The following EDF1 variants were observed in gnomAD, a reference collection of about 807,000 sequenced individuals.
EDF1 encodes the protein endothelial differentiation related factor 1.
A neutral mutation model predicts 20.8 loss-of-function variants in EDF1; 5 were observed. The observed-to-expected ratio is 0.24, with a 90% CI of 0.13 to 0.51. The LOEUF is 0.51. EDF1 is among the 20% of genes least tolerant of loss of function. EDF1 has a pLI of 0.97. For synonymous variants in EDF1, 96 were observed against 78.5 expected (o/e 1.22, Z -1.18); for missense variants, 137 against 197.8 (o/e 0.69, Z 1.84).
In EDF1 at chr9:136,863,807, C is replaced by T; in HGVS notation, c.130+13G>A. On this transcript the variant is annotated intron_variant, in intron 2 of 4. Coordinates refer to ENST00000224073, the MANE Select transcript of EDF1 (RefSeq NM_003792.4). This position sits in a 1 kb window ranked among gnomAD's most constrained non-coding sequence, Gnocchi z 4.5. ...CACAGCCTCATGTTGCAAGCGGAAA[C>T]ACAAGTACCTACATTTCTTGGAAGT... 1 of 1,613,926 alleles carries T rather than the reference C, an allele frequency of 6.2e-7. No homozygotes were observed.
Position 136,862,321 on chromosome 9 carries a change from A to G in EDF1, c.410T>C (p.Ile137Thr). The change falls in exon 5 of 5, where the codon ATT (isoleucine) becomes ACT (threonine). Residue 137 changes from isoleucine (I) to threonine (T), a missense_variant. By Grantham distance (89) the Ile-to-Thr change is moderately conservative (BLOSUM62 -1). Coordinates refer to ENST00000224073, the MANE Select transcript of EDF1 (RefSeq NM_003792.4). This position sits in a 1 kb window ranked among gnomAD's most constrained non-coding sequence, Gnocchi z 4.1. ...AGGCCCCTTCTCGATGGGCTTTCCAATGTCCTTTCCCCGGAGCTTGAGGCC... is the reference window on the plus strand; with the variant it reads ...AGGCCCCTTCTCGATGGGCTTTCCAGTGTCCTTTCCCCGGAGCTTGAGGCC... ...AIGLKLRGKD[I>T]GKPIEKGPRA... 1 of 1,613,876 alleles carries G rather than the reference A, an allele frequency of 6.2e-7. No homozygotes were observed. Among genetic ancestry groups the G allele is most frequent in the Non-Finnish European group, 8.5e-7 (1 of 1,179,954 alleles).
Position 136,862,184 on chromosome 9 carries a change from C to G in EDF1, c.*100G>C. On this transcript the variant is annotated 3_prime_UTR_variant, in exon 5 of 5. Coordinates refer to ENST00000224073, the MANE Select transcript of EDF1 (RefSeq NM_003792.4). This position sits in a 1 kb window ranked among gnomAD's most constrained non-coding sequence, Gnocchi z 4.1. ...TGGGGAGGGTCCCCCGCAAGCTGGACCCCTTGTTCCGTTCGGCCCGTGAGG... is the reference window on the plus strand; with the variant it reads ...TGGGGAGGGTCCCCCGCAAGCTGGAGCCCTTGTTCCGTTCGGCCCGTGAGG... The G allele has an allele frequency of 6.7e-7, 1 of 1,491,378 alleles. No homozygotes were observed. 92.4% of individuals were successfully genotyped at this position (1,491,378 alleles called of 1,614,324 possible). A position where few individuals can be genotyped will look rare whatever the true frequency, so the allele number is the denominator to read the frequency against.
chr9:136,862,432 G>T lies in EDF1; in HGVS notation c.386-87C>A, dbSNP rs1588398162. 6.2e-7 allele frequency: 1 copy of T among 1,613,370 alleles called. No individual in the cohort carries two copies. The highest frequency in any genetic ancestry group is 8.5e-7 in the Non-Finnish European group (1 of 1,179,928). On this transcript the variant is annotated intron_variant, in intron 4 of 4. Coordinates refer to ENST00000224073, the MANE Select transcript of EDF1 (RefSeq NM_003792.4). This position sits in a 1 kb window ranked among gnomAD's most constrained non-coding sequence, Gnocchi z 4.1. The stretch of plus-strand genomic sequence containing the variant: ...CCCTCTTCAACATCTTCCCAGGGAA[G>T]GGGGGCCACGCCGCTCCCGTGCCTC...
chr9:136,865,031 GT>G (rs1413653139), intron 1 of EDF1, among the ~76,000 whole-genome samples: 1 of 152,192 alleles, frequency 6.6e-6, no homozygotes, highest in Non-Finnish European at 1.5e-5. Context: ...TGGCCATTAA[GT>G]TTCCTTTAAA....
Position 136,863,648 on chromosome 9 carries a change from T to A in EDF1, c.130+172A>T, listed in dbSNP as rs1564392567. ...TTATGAGGACAGGCAGCTGTACTCA[T>A]GCCAACCAGAGCTGCTCTGGGAAGA... On this transcript the variant is annotated intron_variant, in intron 2 of 4. Coordinates refer to ENST00000224073, the MANE Select transcript of EDF1 (RefSeq NM_003792.4). The surrounding 1 kb of genome is among the most constrained non-coding windows in gnomAD (Gnocchi z 4.5). Among the ~76,000 whole-genome samples, 1 of 152,110 alleles carries A rather than the reference T, an allele frequency of 6.6e-6. No individual in the cohort carries two copies. The highest frequency in any genetic ancestry group is 2.4e-5 in the African/African-American group (1 of 41,406).
At chr9:136,866,087 G>C (rs1849219851) in intron 1 of EDF1, 94 bp downstream of exon 1, 5 of 1,022,874 alleles carry the variant, frequency 4.9e-6, no homozygotes, top group East Asian at 7.1e-5. Flanking sequence ...CCCAGGCCCC[G>C]CCTGCCCTTC....
rs771534389 is a variant in EDF1, at chr9:136,866,284, G to A, written c.-26C>T. On this transcript the variant is annotated 5_prime_UTR_variant, in exon 1 of 5. Coordinates refer to ENST00000224073, the MANE Select transcript of EDF1 (RefSeq NM_003792.4). ...GGCGGGCGAAGACGAGCGTCCGTCC[G>A]GCGGCTCAGCGGCAGCTGCTAGAGA... The A allele has an allele frequency of 1.6e-5, 25 of 1,592,176 alleles. No individual in the cohort carries two copies. Among genetic ancestry groups the A allele is most frequent in the African/African-American group, 1.2e-4 (9 of 72,358 alleles).
chr9:136,865,807 C>G (rs7037205), intron 1 of EDF1, among the ~76,000 whole-genome samples: 104,633 of 139,000 alleles, frequency 0.75, 39,806 homozygotes, highest in East Asian at 0.87. Context: ...CTGTCCCCAC[C>G]AACAGTCCCT....
chr9:136,866,264 G>A lies in EDF1; in HGVS notation c.-6C>T, dbSNP rs763815926. On this transcript the variant is annotated 5_prime_UTR_variant, in exon 1 of 5. Transcript: ENST00000224073. ...TCCCAGTCGCTCTCGGCCATGGCGG[G>A]CGAAGACGAGCGTCCGTCCGGCGGC... is the stretch of plus-strand genomic sequence containing the variant. 9 of 1,594,526 alleles carry A rather than the reference G, an allele frequency of 5.6e-6. No individual in the cohort carries two copies. The highest frequency in any genetic ancestry group is 5.1e-5 in the Admixed American group (3 of 58,776).
rs749921156 is a variant in EDF1, at chr9:136,863,808, A to C, written c.130+12T>G. The C allele has an allele frequency of 6.5e-5, 105 of 1,613,690 alleles. No individual in the cohort carries two copies. The highest frequency in any genetic ancestry group is 8.6e-5 in the Non-Finnish European group (101 of 1,179,966). On this transcript the variant is annotated intron_variant, in intron 2 of 4. Transcript: ENST00000224073. This position sits in a 1 kb window ranked among gnomAD's most constrained non-coding sequence, Gnocchi z 4.5. The stretch of plus-strand genomic sequence containing the variant: ...ACAGCCTCATGTTGCAAGCGGAAAC[A>C]CAAGTACCTACATTTCTTGGAAGTC...
In EDF1 at chr9:136,863,034, C is replaced by G; in HGVS notation, c.292-35G>C. Reference sequence around the variant, plus strand: ...AGATGTGCTTTATACACATCAGCTCCACTAGGACTGCTGCAAAACCAGGCG... The same window carrying G: ...AGATGTGCTTTATACACATCAGCTCGACTAGGACTGCTGCAAAACCAGGCG... On this transcript the variant is annotated intron_variant, in intron 3 of 4. Transcript: ENST00000224073. The surrounding 1 kb of genome is among the most constrained non-coding windows in gnomAD (Gnocchi z 4.5). The G allele has an allele frequency of 6.2e-7, 1 of 1,611,154 alleles. No homozygotes were observed. The highest frequency in any genetic ancestry group is 8.5e-7 in the Non-Finnish European group (1 of 1,178,208).
In EDF1 at chr9:136,862,889, G is replaced by A. The variant is rs1270967971; in HGVS notation, c.385+17C>T. 2 of 1,613,014 alleles carry A rather than the reference G, an allele frequency of 1.2e-6. No homozygotes were observed. Among genetic ancestry groups the A allele is most frequent in the Non-Finnish European group, 1.7e-6 (2 of 1,180,008 alleles). The stretch of plus-strand genomic sequence containing the variant: ...TCCCTGTTCAGCGGACCCGGCGAAG[G>A]GTGGAGGGACACTCACCAATGGCCC... On this transcript the variant is annotated intron_variant, in intron 4 of 4. Coordinates refer to ENST00000224073, the MANE Select transcript of EDF1 (RefSeq NM_003792.4). The surrounding 1 kb of genome is among the most constrained non-coding windows in gnomAD (Gnocchi z 4.1).
chr9:136,863,171 C>T lies in EDF1; in HGVS notation c.291+117G>A. On this transcript the variant is annotated intron_variant, in intron 3 of 4. Coordinates refer to ENST00000224073, the MANE Select transcript of EDF1 (RefSeq NM_003792.4). This position sits in a 1 kb window ranked among gnomAD's most constrained non-coding sequence, Gnocchi z 4.5. ...GCCGGGCTGACCTGGCTTCCCGAGG[C>T]ATTCCCTGCAGGGGAACCAGGGGGG... 6.5e-7 allele frequency: 1 copy of T among 1,532,828 alleles called. No individual in the cohort carries two copies. The highest frequency in any genetic ancestry group is 8.8e-7 in the Non-Finnish European group (1 of 1,134,118). The allele number at this position is 1,532,828 out of a possible 1,614,324, so 95.0% of individuals were successfully genotyped here. A position where few individuals can be genotyped will look rare whatever the true frequency, so the allele number is the denominator to read the frequency against.
At position 136,863,361 on chromosome 9, in the gene EDF1, A is replaced by G. The variant is rs1424647194; in HGVS notation, c.218T>C (p.Val73Ala). ...GATCACCTTGCCCACCTCCAGGGTCACCCTGTCATGGTGCAGCTCCTCTGT... is the reference window on the plus strand; with the variant it reads ...GATCACCTTGCCCACCTCCAGGGTCGCCCTGTCATGGTGCAGCTCCTCTGT... ...RETEELHHDRVTLEVGKVIQQ... is the reference protein window; with the variant it reads ...RETEELHHDRATLEVGKVIQQ... The change falls in exon 3 of 5, where the codon GTG (valine) becomes GCG (alanine). Residue 73 changes from valine (V) to alanine (A), a missense_variant. Coordinates refer to ENST00000224073, the MANE Select transcript of EDF1 (RefSeq NM_003792.4). The surrounding 1 kb of genome is among the most constrained non-coding windows in gnomAD (Gnocchi z 4.5). 1 of 1,614,076 alleles carries G rather than the reference A, an allele frequency of 6.2e-7. No individual in the cohort carries two copies. The highest frequency in any genetic ancestry group is 8.5e-7 in the Non-Finnish European group (1 of 1,180,018).
Position 136,862,310 on chromosome 9 carries a change from T to C in EDF1, c.421A>G (p.Ile141Val). ...KLRGKDIGKP[I>V]EKGPRAK ...CATTTCGCCCTAGGCCCCTTCTCGATGGGCTTTCCAATGTCCTTTCCCCGG... is the reference window on the plus strand; with the variant it reads ...CATTTCGCCCTAGGCCCCTTCTCGACGGGCTTTCCAATGTCCTTTCCCCGG... The change falls in exon 5 of 5, where the codon ATC (isoleucine) becomes GTC (valine). Residue 141 changes from isoleucine to valine, a missense_variant. Transcript: ENST00000224073. The surrounding 1 kb of genome is among the most constrained non-coding windows in gnomAD (Gnocchi z 4.1). The C allele has an allele frequency of 1.2e-6, 2 of 1,614,036 alleles. No individual in the cohort carries two copies. Among genetic ancestry groups the C allele is most frequent in the Admixed American group, 1.7e-5 (1 of 60,006 alleles).
chr9:136,864,709 C>T (rs778394184), intron 1 of EDF1, among the ~76,000 whole-genome samples: 20 of 152,026 alleles, frequency 1.3e-4, no homozygotes, highest in Non-Finnish European at 2.4e-4. Context: ...CTGCAACCTT[C>T]GCCCTCCGAG....
chr9:136,863,336 G>A lies in EDF1; in HGVS notation c.243C>T (p.Ile81=), dbSNP rs1849148445. 6.2e-7 allele frequency: 1 copy of A among 1,614,024 alleles called. No individual in the cohort carries two copies. Among genetic ancestry groups the A allele is most frequent in the Non-Finnish European group, 8.5e-7 (1 of 1,180,010 alleles). The change falls in exon 3 of 5, where the codon ATC becomes ATT. Residue 81 remains isoleucine, a synonymous_variant. Transcript: ENST00000224073. This position sits in a 1 kb window ranked among gnomAD's most constrained non-coding sequence, Gnocchi z 4.5. The part of the protein sequence containing the change: ...DRVTLEVGKV[I]QQGRQSKGLT... ...GCCCCTTGCTCTGCCGACCTTGCTG[G>A]ATCACCTTGCCCACCTCCAGGGTCA...
rs1849156876 is a variant in EDF1, at chr9:136,863,707, G to A, written c.130+113C>T. The A allele has an allele frequency of 7.4e-7, 1 of 1,358,324 alleles. No homozygotes were observed. The highest frequency in any genetic ancestry group is 1.8e-4 in the Middle Eastern group (1 of 5,524). 84.1% of individuals were successfully genotyped at this position (1,358,324 alleles called of 1,614,324 possible). A position where few individuals can be genotyped will look rare whatever the true frequency, so the allele number is the denominator to read the frequency against. On this transcript the variant is annotated intron_variant, in intron 2 of 4. Coordinates refer to ENST00000224073, the MANE Select transcript of EDF1 (RefSeq NM_003792.4). The surrounding 1 kb of genome is among the most constrained non-coding windows in gnomAD (Gnocchi z 4.5). ...TCCCAGGGCTCCGGCCAGCACCGGTGCAGGCAGGCACTCAGCTGACAACGT... is the reference window on the plus strand; with the variant it reads ...TCCCAGGGCTCCGGCCAGCACCGGTACAGGCAGGCACTCAGCTGACAACGT...
In EDF1 at chr9:136,866,283, C is replaced by G. The variant is rs368142655; in HGVS notation, c.-25G>C. 2 of 1,592,332 alleles carry G rather than the reference C, an allele frequency of 1.3e-6. No homozygotes were observed. Among genetic ancestry groups the G allele is most frequent in the South Asian group, 2.3e-5 (2 of 88,624 alleles). ...TGGCGGGCGAAGACGAGCGTCCGTC[C>G]GGCGGCTCAGCGGCAGCTGCTAGAG... On this transcript the variant is annotated 5_prime_UTR_variant, in exon 1 of 5. Coordinates refer to ENST00000224073, the MANE Select transcript of EDF1 (RefSeq NM_003792.4).
Sources: allele counts gnomAD v4.1 joint callset (sites outside exome capture counted in the v4.1 genomes callset), GRCh38; gene constraint gnomAD v4.1.1; non-coding constraint Gnocchi (gnomAD v3.1); transcripts MANE v1.5; gene names NCBI Gene and HGNC (gene_info 2026-07-23, HGNC 2026-07-21).